The following RDX variants were observed in gnomAD, a reference collection of about 807,000 sequenced individuals.
RDX encodes the protein radixin.
A neutral mutation model predicts 83.7 loss-of-function variants in RDX; 32 were observed. That is an observed-to-expected ratio of 0.38 (90% CI 0.29 to 0.51). RDX has a LOEUF of 0.51. Ranked by LOEUF, RDX falls within the 20% of genes least tolerant of loss-of-function variation. RDX has a pLI of 0.87. For missense variants in RDX, 600 were observed against 689.9 expected, an observed-to-expected ratio of 0.87 and a Z score of 1.46; for synonymous variants, 229 against 222.7, an observed-to-expected ratio of 1.03 and a Z score of -0.25.
chr11:110,246,318 C>T (rs1859103486), intron 10 of RDX, among the ~76,000 whole-genome samples: 1 of 152,236 alleles, frequency 6.6e-6, no homozygotes, highest in Non-Finnish European at 1.5e-5. Context: ...CTCTCCCTTA[C>T]AATTATTCTA....
chr11:110,264,607 AGAT>A (rs947664041), intron 4 of RDX, among the ~76,000 whole-genome samples, 169 bp downstream of exon 4: 11 of 145,570 alleles, frequency 7.6e-5, no homozygotes, highest in African/African-American at 2.8e-4. Context: ...TTTTTTTTTG[AGAT>A]GATAAGCTGA....
At chr11:110,205,110 T>A (rs191317000) in intron 14 of RDX, among the ~76,000 whole-genome samples, 355 of 152,096 alleles carry the variant, frequency 2.3e-3, no homozygotes, top group African/African-American at 7.7e-3. Flanking sequence ...GGAAGAAATA[T>A]GAAAGAAATG....
intron 15 of RDX, chr11:110,179,896 CTTTTTTCTTTT>C: frequency 2.7e-6 from 1 of 372,952 alleles, no homozygotes; most frequent in Non-Finnish European, 5.0e-6. Flanking sequence ...TTTTCTTTTT[CTTTTTTCTTTT>C]TTTTTTTTTT....
intron 14 of RDX, among the ~76,000 whole-genome samples, chr11:110,199,984 ATAATAAGACC>A (rs1565287368): frequency 6.6e-6 from 1 of 152,232 alleles, no homozygotes; most frequent in African/African-American, 2.4e-5. Flanking sequence ...GTCTCTTTCA[ATAATAAGACC>A]TATTATTTAG....
rs1864640675 is a variant in RDX at position 110,231,663 on chromosome 11, T to A, written c.*206A>T. The A allele has an allele frequency of 9.8e-6, 6 of 611,200 alleles. No homozygotes were observed. The South Asian group carries it at 1.2e-4, about 12-fold the overall frequency. 37.9% of individuals were successfully genotyped at this position (611,200 alleles called of 1,614,324 possible). A position where few individuals can be genotyped will look rare whatever the true frequency, so the allele number is the denominator to read the frequency against. On this transcript the variant is annotated 3_prime_UTR_variant, in exon 14 of 14. Coordinates refer to ENST00000645495, the MANE Select transcript of RDX (RefSeq NM_002906.4). ...CAATGGAACACCATTCTCCATTCCC[T>A]GGACCAAAAGAAAAAAGAAAACCAA...
chr11:110,187,776 G>T (rs1029827741), intron 15 of RDX, among the ~76,000 whole-genome samples: 1 of 152,236 alleles, frequency 6.6e-6, no homozygotes, highest in African/African-American at 2.4e-5. Flanking sequence ...CCCTTCCGGG[G>T]GTTGAGCAGG....
At chr11:110,244,967 T>G (rs557534021) in intron 10 of RDX, among the ~76,000 whole-genome samples, 35 of 148,730 alleles carry the variant, frequency 2.4e-4, no homozygotes, top group African/African-American at 8.9e-4. Flanking sequence ...CTTCAAAGTT[T>G]TTTTTTTTTT....
At chr11:110,240,099 G>T (rs554275060) in intron 10 of RDX, among the ~76,000 whole-genome samples, 1 of 152,146 alleles carries the variant, frequency 6.6e-6, no homozygotes, top group Non-Finnish European at 1.5e-5. Context: ...GGAGATAGTT[G>T]TACTCCTACG....
chr11:110,265,536 C>T (rs1410182392), intron 3 of RDX, among the ~76,000 whole-genome samples: 2 of 151,332 alleles, frequency 1.3e-5, no homozygotes, highest in Non-Finnish European at 2.9e-5. Flanking sequence ...CATAATCATA[C>T]GTTCCAATTT....
intron 14 of RDX, among the ~76,000 whole-genome samples, chr11:110,209,765 G>A (rs903954242): frequency 1.4e-5 from 2 of 145,090 alleles, no homozygotes; most frequent in African/African-American, 5.1e-5. Flanking sequence ...CAACAGACCT[G>A]CAGCTGAGGG....
chr11:110,265,499 A>T (rs970450553), intron 3 of RDX, among the ~76,000 whole-genome samples: 1 of 147,468 alleles, frequency 6.8e-6, no homozygotes, highest in Non-Finnish European at 1.5e-5. Context: ...GAGTCTTGAA[A>T]ATATATATAT....
At chr11:110,296,246 G>A (rs958053942) in intron 1 of RDX, among the ~76,000 whole-genome samples, 5 of 152,062 alleles carry the variant, frequency 3.3e-5, no homozygotes, top group Non-Finnish European at 4.4e-5. Flanking sequence ...CCACGACTCG[G>A]GCAGGGCCTC....
chr11:110,274,249 G>A lies in RDX; in HGVS notation c.13-1630C>T, dbSNP rs376842234. On this transcript the variant is annotated intron_variant, in intron 2 of 13. Transcript: ENST00000645495. ...AATCTACCATCCAACTGAATAACAAGAAATGGTAAATAATGTTGCATATAC... is the reference window on the plus strand; with the variant it reads ...AATCTACCATCCAACTGAATAACAAAAAATGGTAAATAATGTTGCATATAC... Among the ~76,000 whole-genome samples the A allele has an allele frequency of 9.1e-4, 138 of 152,020 alleles. 1 individual carries two copies. Among genetic ancestry groups the A allele is most frequent in the African/African-American group, 3.1e-3 (127 of 41,482 alleles).
At chr11:110,253,164 C>T (rs1308871037) in intron 9 of RDX, among the ~76,000 whole-genome samples, 1 of 151,958 alleles carries the variant, frequency 6.6e-6, no homozygotes, top group Non-Finnish European at 1.5e-5. Context: ...TAGCAGATGG[C>T]TTCCTTCTAG....
At chr11:110,179,614 A>G (rs1862841045) in intron 15 of RDX, among the ~76,000 whole-genome samples, 1 of 152,064 alleles carries the variant, frequency 6.6e-6, no homozygotes, top group Non-Finnish European at 1.5e-5. Flanking sequence ...CTCTACTAAA[A>G]ATACAAAAAT....
chr11:110,271,658 C>G (rs1005006645), intron 3 of RDX, among the ~76,000 whole-genome samples: 1 of 152,052 alleles, frequency 6.6e-6, no homozygotes, highest in African/African-American at 2.4e-5. Context: ...TCTCCTTTCC[C>G]TTTTTTTAAA....
intron 15 of RDX, among the ~76,000 whole-genome samples, chr11:110,197,522 G>A (rs1022813930): frequency 6.6e-6 from 1 of 152,158 alleles, no homozygotes; most frequent in African/African-American, 2.4e-5. Context: ...ATTTGATCTT[G>A]ACTTTTCATG....
intron 11 of RDX, chr11:110,236,647 G>A (rs1258292091): frequency 6.1e-6 from 1 of 162,712 alleles, no homozygotes; most frequent in Non-Finnish European, 1.3e-5. Context: ...TTCAGACAGA[G>A]TCTCGTTCTG....
chr11:110,245,998 T>A (rs1859092494), intron 10 of RDX, among the ~76,000 whole-genome samples: 1 of 152,116 alleles, frequency 6.6e-6, no homozygotes, highest in African/African-American at 2.4e-5. Context: ...CAGGCTGGAG[T>A]GATCCTCCCA....
Sources: gnomAD v4.1 joint callset for allele counts (sites outside exome capture counted in the v4.1 genomes callset) on GRCh38, gnomAD v4.1.1 for gene constraint, MANE v1.5 for transcripts, NCBI Gene and HGNC (gene_info 2026-07-23, HGNC 2026-07-21) for gene names.